The following PELI2 variants were observed in gnomAD, a reference collection of about 807,000 sequenced individuals.
The protein encoded by PELI2 is E3 ubiquitin-protein ligase pellino homolog 2.
In PELI2, 23 loss-of-function variants were observed where a neutral mutation model predicts 42.3. That is an observed-to-expected ratio of 0.54 (90% CI 0.39 to 0.77). PELI2 has a LOEUF of 0.77. Ranked by LOEUF, PELI2 falls within the 30% of genes least tolerant of loss-of-function variation. PELI2 has a pLI of 0.00. For synonymous variants in PELI2, 245 were observed against 212.2 expected (o/e 1.15, Z -1.34); for missense variants, 463 against 553.2 (o/e 0.84, Z 1.64).
At chr14:56,233,977 G>A (rs1384844662) in intron 2 of PELI2, among the ~76,000 whole-genome samples, 1 of 152,226 alleles carries the variant, frequency 6.6e-6, no homozygotes, top group Non-Finnish European at 1.5e-5. Context: ...AGACATTTAT[G>A]CAGCCAACGG....
At chr14:56,292,326 C>G (rs1594721023) in intron 5 of PELI2, among the ~76,000 whole-genome samples, 1 of 152,186 alleles carries the variant, frequency 6.6e-6, no homozygotes, top group Admixed American at 6.5e-5. Context: ...TGAACGGATA[C>G]ATTCTTCCTG....
intron 1 of PELI2, among the ~76,000 whole-genome samples, chr14:56,151,388 A>G (rs762844339): frequency 5.9e-5 from 9 of 152,134 alleles, no homozygotes; most frequent in Non-Finnish European, 8.8e-5. Context: ...AGGTACTTCA[A>G]CTGTGATGCT....
At chr14:56,223,017 G>T (rs1887205568) in intron 2 of PELI2, among the ~76,000 whole-genome samples, 2 of 152,314 alleles carry the variant, frequency 1.3e-5, no homozygotes, top group African/African-American at 4.8e-5. Flanking sequence ...AATTGGGAAG[G>T]AGAGGAAGGG....
intron 1 of PELI2, among the ~76,000 whole-genome samples, chr14:56,145,753 A>G (rs181660246): frequency 6.6e-6 from 1 of 152,220 alleles, no homozygotes; most frequent in Admixed American, 6.5e-5. Context: ...AAAGGAAAAG[A>G]TACGGCCTCT....
intron 2 of PELI2, among the ~76,000 whole-genome samples, chr14:56,242,339 A>G (rs558079929): frequency 2.0e-4 from 30 of 152,372 alleles, no homozygotes; most frequent in Admixed American, 7.8e-4. Flanking sequence ...AACAGTGACT[A>G]TCAATTGAAA....
intron 1 of PELI2, among the ~76,000 whole-genome samples, chr14:56,153,443 G>C (rs986490429): frequency 6.6e-6 from 1 of 152,094 alleles, no homozygotes; most frequent in African/African-American, 2.4e-5. Context: ...TGAGAGAAAA[G>C]GGTTTGACAT....
At position 56,128,858 on chromosome 14, in the gene PELI2, C is replaced by T. The variant is rs76391674; in HGVS notation, c.77+10121C>T. On this transcript the variant is annotated intron_variant, in intron 1 of 5. Transcript: ENST00000267460. ...GCTGCCAAGGAGAAGTACAGGGTTT[C>T]GTGTACAGTAGGGGACAAAATTTGT... Among the ~76,000 whole-genome samples, 1,024 of 150,932 alleles carry T rather than the reference C, an allele frequency of 6.8e-3. 14 individuals carry two copies. Among genetic ancestry groups the T allele is most frequent in the African/African-American group, 0.023 (952 of 40,984 alleles).
intron 2 of PELI2, among the ~76,000 whole-genome samples, chr14:56,241,796 A>G (rs1249940310): frequency 6.6e-6 from 1 of 152,222 alleles, no homozygotes; most frequent in African/African-American, 2.4e-5. Context: ...TTGAGGGGAA[A>G]TGAGTAAATG....
At chr14:56,173,624 C>T (rs1885261276) in intron 1 of PELI2, among the ~76,000 whole-genome samples, 1 of 152,130 alleles carries the variant, frequency 6.6e-6, no homozygotes, top group African/African-American at 2.4e-5. Context: ...CAGGGCCCTG[C>T]TGCCCCTGAA....
chr14:56,145,757 G>A lies in PELI2; in HGVS notation c.77+27020G>A, dbSNP rs975583761. On this transcript the variant is annotated intron_variant, in intron 1 of 5. Transcript: ENST00000267460. ...TTGGGCTACAGAAAGGAAAAGATAC[G>A]GCCTCTGCTATGAAAGGGTATATAT... Among the ~76,000 whole-genome samples the A allele has an allele frequency of 4.6e-5, 7 of 152,082 alleles. No homozygotes were observed. The East Asian group carries it at 5.8e-4, about 13-fold the overall frequency.
intron 5 of PELI2, among the ~76,000 whole-genome samples, chr14:56,294,528 C>G (rs1352040208): frequency 6.6e-6 from 1 of 152,178 alleles, no homozygotes. Context: ...TCCTTTGAAC[C>G]AAAGATTGAC....
intron 2 of PELI2, among the ~76,000 whole-genome samples, chr14:56,179,107 A>C (rs1885491012): frequency 6.6e-6 from 1 of 152,178 alleles, no homozygotes; most frequent in African/African-American, 2.4e-5. Context: ...TCTGATCTAT[A>C]AGTCGAGGAA....
chr14:56,198,502 G>A (rs1886221410), intron 2 of PELI2, among the ~76,000 whole-genome samples: 2 of 152,172 alleles, frequency 1.3e-5, no homozygotes, highest in South Asian at 2.1e-4. Flanking sequence ...AGTGAGATGC[G>A]ACTTAAAGGA....
intron 2 of PELI2, among the ~76,000 whole-genome samples, chr14:56,247,202 A>G (rs543225409): frequency 6.6e-6 from 1 of 152,250 alleles, no homozygotes; most frequent in Non-Finnish European, 1.5e-5. Context: ...GAATTCTTTC[A>G]AAACCAAAAC....
intron 2 of PELI2, among the ~76,000 whole-genome samples, chr14:56,188,877 A>C (rs1358252718): frequency 6.6e-6 from 1 of 152,168 alleles, no homozygotes; most frequent in Non-Finnish European, 1.5e-5. Context: ...ATAGGGATTT[A>C]GGCTGGTCGC....
rs571582447 is a variant in PELI2 at position 56,129,010 on chromosome 14, G to T, written c.77+10273G>T. 4.6e-5 allele frequency among the ~76,000 whole-genome samples: 7 copies of T among 152,206 alleles called. No individual in the cohort carries two copies. In the South Asian group the frequency reaches 1.5e-3, roughly 32 times the overall value. ...CCTGAAGGCACATCGAGAGGTTGAG[G>T]GGCTGAGAGGCTGAGGGATATCCAG... On this transcript the variant is annotated intron_variant, in intron 1 of 5. Transcript: ENST00000267460.
chr14:56,290,592 A>C, intron 5 of PELI2, 136 bp downstream of exon 5: 1 of 515,706 alleles, frequency 1.9e-6, no homozygotes, highest in Non-Finnish European at 3.2e-6. Flanking sequence ...GGAGAAGCAG[A>C]ATTCCACAAG....
intron 1 of PELI2, among the ~76,000 whole-genome samples, chr14:56,172,437 C>CA (rs1885213250): frequency 1.3e-5 from 2 of 152,178 alleles, no homozygotes; most frequent in Non-Finnish European, 2.9e-5. Context: ...CCACTAGAGC[C>CA]AGCCCAGATT....
At chr14:56,226,797 C>T (rs2139760723) in intron 2 of PELI2, among the ~76,000 whole-genome samples, 1 of 152,316 alleles carries the variant, frequency 6.6e-6, no homozygotes, top group South Asian at 2.1e-4. Context: ...TTTTGAAATT[C>T]TGGAGTACCT....
Sources: gnomAD v4.1 joint callset for allele counts (sites outside exome capture counted in the v4.1 genomes callset) on GRCh38, gnomAD v4.1.1 for gene constraint, MANE v1.5 for transcripts, NCBI Gene and HGNC (gene_info 2026-07-23, HGNC 2026-07-21) for gene names.